LIMS2: variants seen among roughly 807,000 people sequenced by gnomAD.
LIMS2 encodes the protein LIM and senescent cell antigen-like-containing domain protein 2.
In LIMS2, 30 loss-of-function variants were observed where a neutral mutation model predicts 45.3. The observed-to-expected ratio is 0.66, with a 90% confidence interval of 0.50 to 0.90. The LOEUF (loss-of-function observed/expected upper bound fraction) is 0.90. Ranked by LOEUF, LIMS2 falls within the 40% of genes least tolerant of loss-of-function variation. LIMS2 has a pLI of 0.00. For missense variants in LIMS2, 485 were observed against 468.7 expected (o/e 1.03, Z -0.32); for synonymous variants, 173 against 188.0 (o/e 0.92, Z 0.65).
chr2:127,651,566 G>T, intron 4 of LIMS2: 1 of 1,612,688 alleles, frequency 6.2e-7, no homozygotes, highest in Non-Finnish European at 8.5e-7. Context: ...TCCTGGCCCT[G>T]GCAAACCGCA....
chr2:127,662,964 GTACA>G (rs1296519211), intron 1 of LIMS2, among the ~76,000 whole-genome samples: 1 of 152,098 alleles, frequency 6.6e-6, no homozygotes, highest in Non-Finnish European at 1.5e-5. Context: ...TTTTAAGCAG[GTACA>G]ACTGAAACAT....
At chr2:127,659,812 C>A (rs536409297) in intron 1 of LIMS2, among the ~76,000 whole-genome samples, 48 of 152,356 alleles carry the variant, frequency 3.2e-4, no homozygotes, top group African/African-American at 1.1e-3. Context: ...CCCTTCCAGG[C>A]TCCTGTTCTC....
chr2:127,649,795 G>A (rs1051576998), intron 4 of LIMS2: 70 of 560,682 alleles, frequency 1.2e-4, no homozygotes, highest in Admixed American at 3.2e-5. Context: ...GCCTTCAAAC[G>A]TGGGCAAGCC....
intron 4 of LIMS2, among the ~76,000 whole-genome samples, chr2:127,649,316 G>A (rs10178566): frequency 0.21 from 32,655 of 152,098 alleles, 4,101 homozygotes; most frequent in South Asian, 0.35. Context: ...GCTGTGGCCC[G>A]TGCCTCCTCC....
At chr2:127,654,019 G>T (rs1684058790) in intron 4 of LIMS2, among the ~76,000 whole-genome samples, 1 of 151,992 alleles carries the variant, frequency 6.6e-6, no homozygotes, top group African/African-American at 2.4e-5. Flanking sequence ...AGAGACCAAG[G>T]GTTCGCAGAA....
At chr2:127,669,249 G>A (rs887348371) in intron 1 of LIMS2, among the ~76,000 whole-genome samples, 1 of 152,074 alleles carries the variant, frequency 6.6e-6, no homozygotes, top group African/African-American at 2.4e-5. Flanking sequence ...GAAGAAAACA[G>A]ATGTTTTCAT....
rs976256343 is a variant in LIMS2, at chr2:127,667,013, A to G, written c.11+8001T>C. 3.3e-5 allele frequency among the ~76,000 whole-genome samples: 5 copies of G among 152,248 alleles called. No homozygotes were observed. Among genetic ancestry groups the G allele is most frequent in the Admixed American group, 1.3e-4 (2 of 15,286 alleles). On this transcript the variant is annotated intron_variant, in intron 1 of 9. Transcript: ENST00000355119. This position sits in a 1 kb window ranked among gnomAD's most constrained non-coding sequence, Gnocchi z 4.1. ...CCCAAATCACTTAGTAAGGCCAGTAACATGTAAAGAGACTGAGACAGTAAC... is the reference window on the plus strand; with the variant it reads ...CCCAAATCACTTAGTAAGGCCAGTAGCATGTAAAGAGACTGAGACAGTAAC...
chr2:127,678,456 G>A (rs970230647), upstream of LIMS2, among the ~76,000 whole-genome samples: 3 of 152,210 alleles, frequency 2.0e-5, no homozygotes, highest in Admixed American at 1.3e-4. This position sits in a 1 kb window ranked among gnomAD's most constrained non-coding sequence, Gnocchi z 5.3. Flanking sequence ...CCTAGCTGCT[G>A]TGTGGCCACT....
At chr2:127,668,991 C>T (rs1282834199) in intron 1 of LIMS2, among the ~76,000 whole-genome samples, 2 of 152,060 alleles carry the variant, frequency 1.3e-5, no homozygotes, top group African/African-American at 2.4e-5. Flanking sequence ...ACTCAGGAGG[C>T]TCAGGTAGGA....
At chr2:127,656,618 T>A (rs1265045030) in intron 2 of LIMS2, among the ~76,000 whole-genome samples, 2 of 152,168 alleles carry the variant, frequency 1.3e-5, no homozygotes, top group Non-Finnish European at 2.9e-5. Flanking sequence ...TTTCACCATG[T>A]TGGCCAGGCT....
In LIMS2 at chr2:127,647,347, G is replaced by A. The variant is rs539356366; in HGVS notation, c.360-4275C>T. Among the ~76,000 whole-genome samples, 1 of 152,200 alleles carries A rather than the reference G, an allele frequency of 6.6e-6. No individual in the cohort carries two copies. The highest frequency in any genetic ancestry group is 2.1e-4 in the South Asian group (1 of 4,818). ...TTCCAGGGAGTGAGACCGTTTCCCC[G>A]GTCTCACTTCCAGCTCCAGGGCCAA... is the stretch of plus-strand genomic sequence containing the variant. On this transcript the variant is annotated intron_variant, in intron 4 of 9. Coordinates refer to ENST00000355119, the MANE Select transcript of LIMS2 (RefSeq NM_001161403.3). The surrounding 1 kb of genome is among the most constrained non-coding windows in gnomAD (Gnocchi z 4.3).
intron 1 of LIMS2, 53 bp from the exon 2 acceptor site, chr2:127,657,615 G>C (rs1360730798): frequency 1.3e-6 from 2 of 1,519,108 alleles, no homozygotes; most frequent in Non-Finnish European, 1.8e-6. Context: ...GGTGCAGATG[G>C]GGCACACGCG....
chr2:127,639,857 C>T lies in LIMS2; in HGVS notation c.878+213G>A, dbSNP rs191647420. On this transcript the variant is annotated intron_variant, in intron 9 of 9. Transcript: ENST00000355119. ...TGTTGGAGGCATGAGTGTTCCTCCT[C>T]CTCTCACTGTGCCTGGGGTCCCTGG... 1.8e-3 allele frequency among the ~76,000 whole-genome samples: 278 copies of T among 152,218 alleles called. 1 individual carries two copies. Among genetic ancestry groups the T allele is most frequent in the African/African-American group, 6.4e-3 (266 of 41,488 alleles).
rs149167406 is a variant in LIMS2 at position 127,651,522 on chromosome 2, C to T, written c.359+2902G>A. The T allele has an allele frequency of 3.7e-5, 60 of 1,612,588 alleles. No individual in the cohort carries two copies. The highest frequency in any genetic ancestry group is 2.1e-4 in the African/African-American group (16 of 75,072). On this transcript the variant is annotated intron_variant, in intron 4 of 9. Coordinates refer to ENST00000355119, the MANE Select transcript of LIMS2 (RefSeq NM_001161403.3). ...CCGCTCCGTCTACGTGCTGCACTAC[C>T]GCAGCCATGGGGCCTCCTGCGCCAC...
chr2:127,645,162 G>A (rs1332303774), intron 4 of LIMS2, among the ~76,000 whole-genome samples: 1 of 152,196 alleles, frequency 6.6e-6, no homozygotes, highest in Non-Finnish European at 1.5e-5. Flanking sequence ...TTGTTGATGG[G>A]TGAGTTTCTT....
chr2:127,644,179 G>A (rs1000435329), intron 4 of LIMS2: 10 of 447,404 alleles, frequency 2.2e-5, no homozygotes, highest in Admixed American at 4.8e-5. Flanking sequence ...CAAAGGCCCA[G>A]CAGTCACTGG....
At chr2:127,650,001 C>T (rs1202955236) in intron 4 of LIMS2, 3 of 1,604,398 alleles carry the variant, frequency 1.9e-6, no homozygotes, top group Non-Finnish European at 2.6e-6. Flanking sequence ...CAGGTCTCCC[C>T]ACCTGTCAGG....
chr2:127,648,912 T>C (rs1469453204), intron 4 of LIMS2, among the ~76,000 whole-genome samples: 1 of 129,302 alleles, frequency 7.7e-6, no homozygotes. Context: ...GAGGGAGACC[T>C]TGAAAAAGAG....
intron 1 of LIMS2, among the ~76,000 whole-genome samples, chr2:127,659,320 G>C (rs1684465656): frequency 6.6e-6 from 1 of 152,256 alleles, no homozygotes; most frequent in Non-Finnish European, 1.5e-5. Context: ...ATTTAGGCCA[G>C]AGGGGCAAGG....
Sources: allele counts gnomAD v4.1 joint callset (sites outside exome capture counted in the v4.1 genomes callset), GRCh38; gene constraint gnomAD v4.1.1; non-coding constraint Gnocchi (gnomAD v3.1); transcripts MANE v1.5; gene names NCBI Gene and HGNC (gene_info 2026-07-23, HGNC 2026-07-21).